CPNE8: variants seen among roughly 807,000 people sequenced by gnomAD.
The protein encoded by CPNE8 is copine-8.
Under a neutral mutation model 81.5 loss-of-function variants are expected in CPNE8, and 45 were observed. The observed-to-expected ratio is 0.55, with a 90% CI of 0.44 to 0.71. CPNE8 has a LOEUF of 0.71. Among genes scored for constraint, CPNE8 ranks in the 30% least tolerant of loss-of-function variants. The pLI, the probability that CPNE8 is intolerant of heterozygous loss-of-function variation, is 0.00. For missense variants in CPNE8, 594 were observed against 672.1 expected (o/e 0.88, Z 1.28); for synonymous variants, 252 against 226.3 (o/e 1.11, Z -1.02).
At chr12:38,845,143 T>C (rs1190220410) in intron 4 of CPNE8, among the ~76,000 whole-genome samples, 1 of 152,096 alleles carries the variant, frequency 6.6e-6, no homozygotes, top group African/African-American at 2.4e-5. Flanking sequence ...TGCTGTGATT[T>C]TGAGACAAGT....
At chr12:38,843,309 G>A (rs1244307594) in intron 4 of CPNE8, among the ~76,000 whole-genome samples, 2 of 152,164 alleles carry the variant, frequency 1.3e-5, no homozygotes, top group African/African-American at 4.8e-5. Context: ...AACAAAATAT[G>A]TGATCATGCT....
At chr12:38,875,886 T>A (rs944975822) in intron 1 of CPNE8, among the ~76,000 whole-genome samples, 1 of 152,194 alleles carries the variant, frequency 6.6e-6, no homozygotes, top group African/African-American at 2.4e-5. Context: ...ACTAAAACAT[T>A]TCCATTTGAG....
At chr12:38,787,656 A>T (rs997281729) in intron 6 of CPNE8, among the ~76,000 whole-genome samples, 9 of 151,980 alleles carry the variant, frequency 5.9e-5, no homozygotes, top group Admixed American at 1.3e-4. Context: ...TCAATGAAAC[A>T]AAGTTAGGTT....
chr12:38,743,993 GAATA>G (rs1320990994), intron 10 of CPNE8, among the ~76,000 whole-genome samples: 3 of 152,168 alleles, frequency 2.0e-5, no homozygotes, highest in Non-Finnish European at 2.9e-5. Context: ...ACTATGACAT[GAATA>G]AATAGCTAAA....
intron 6 of CPNE8, among the ~76,000 whole-genome samples, chr12:38,795,261 T>TAG (rs1180203076): frequency 6.6e-6 from 1 of 152,218 alleles, no homozygotes; most frequent in Non-Finnish European, 1.5e-5. Context: ...CTTTCATGTA[T>TAG]ACATATATAT....
intron 6 of CPNE8, among the ~76,000 whole-genome samples, chr12:38,795,037 C>T (rs1021758715): frequency 6.6e-6 from 1 of 152,194 alleles, no homozygotes; most frequent in Non-Finnish European, 1.5e-5. Flanking sequence ...CAATATGAGA[C>T]CCCAAGTTCT....
chr12:38,657,426 A>G (rs1293788768), intron 19 of CPNE8, among the ~76,000 whole-genome samples: 2 of 152,298 alleles, frequency 1.3e-5, no homozygotes, highest in Non-Finnish European at 1.5e-5. Context: ...TACTGCCTCT[A>G]TAAACGCCAC....
At chr12:38,707,899 G>C (rs1940152630) in intron 13 of CPNE8, among the ~76,000 whole-genome samples, 1 of 152,138 alleles carries the variant, frequency 6.6e-6, no homozygotes. Context: ...CCTTTCAATT[G>C]CCAAGCACTG....
chr12:38,842,039 A>T (rs1943476786), intron 4 of CPNE8, among the ~76,000 whole-genome samples: 2 of 152,014 alleles, frequency 1.3e-5, no homozygotes, highest in African/African-American at 4.8e-5. Flanking sequence ...TAGCAAAAAA[A>T]AAAAAAAGCA....
intron 14 of CPNE8, 90 bp downstream of exon 14, chr12:38,702,785 T>C (rs569707364): frequency 2.0e-5 from 15 of 738,036 alleles, no homozygotes; most frequent in Admixed American, 1.7e-4. Flanking sequence ...AGTATGTAAA[T>C]ATAGAAATAA....
chr12:38,889,767 A>T (rs1944284904), intron 1 of CPNE8, among the ~76,000 whole-genome samples: 1 of 152,130 alleles, frequency 6.6e-6, no homozygotes, highest in African/African-American at 2.4e-5. Context: ...ACTGGCCTGG[A>T]CCTAGTTAGC....
intron 13 of CPNE8, among the ~76,000 whole-genome samples, chr12:38,710,973 A>G (rs1040917104): frequency 2.0e-5 from 3 of 152,104 alleles, no homozygotes; most frequent in African/African-American, 7.2e-5. Flanking sequence ...CCAACCTTTT[A>G]ATTGCCCACC....
Position 38,893,722 on chromosome 12 carries a change from A to G in CPNE8, c.98+11715T>C, listed in dbSNP as rs908427301. Among the ~76,000 whole-genome samples, 8 of 151,604 alleles carry G rather than the reference A, an allele frequency of 5.3e-5. No individual in the cohort carries two copies. In the South Asian group the frequency reaches 6.3e-4, roughly 12 times the overall value. ...GGGAGCCCTTTGCAGTAACAATACT[A>G]CTCCTTTCCCTATTACTTTTTCTTC... On this transcript the variant is annotated intron_variant, in intron 1 of 19. Coordinates refer to ENST00000331366, the MANE Select transcript of CPNE8 (RefSeq NM_153634.3).
At chr12:38,768,698 T>TA (rs1941740690) in intron 7 of CPNE8, among the ~76,000 whole-genome samples, 1 of 147,304 alleles carries the variant, frequency 6.8e-6, no homozygotes, top group South Asian at 2.1e-4. Context: ...TTTTTTGTAT[T>TA]TTTTTTTTTT....
chr12:38,819,873 T>C (rs1804481859), intron 6 of CPNE8, among the ~76,000 whole-genome samples: 1 of 152,096 alleles, frequency 6.6e-6, no homozygotes, highest in Non-Finnish European at 1.5e-5. Context: ...GTGTGATGCT[T>C]ATGTTCCAAG....
At chr12:38,789,630 T>C (rs573920870) in intron 6 of CPNE8, among the ~76,000 whole-genome samples, 1 of 151,490 alleles carries the variant, frequency 6.6e-6, no homozygotes, top group Non-Finnish European at 1.5e-5. Context: ...CTACACAGCA[T>C]AGGAAACAAT....
At chr12:38,789,980 T>C (rs1942284325) in intron 6 of CPNE8, among the ~76,000 whole-genome samples, 1 of 151,686 alleles carries the variant, frequency 6.6e-6, no homozygotes, top group Non-Finnish European at 1.5e-5. Context: ...AAATAAACCC[T>C]TGGACCTTCT....
At chr12:38,745,204 A>G (rs1411535685) in intron 10 of CPNE8, among the ~76,000 whole-genome samples, 1 of 152,232 alleles carries the variant, frequency 6.6e-6, no homozygotes, top group Non-Finnish European at 1.5e-5. Flanking sequence ...TGGCCAAAGC[A>G]GAACTCTTCA....
intron 7 of CPNE8, among the ~76,000 whole-genome samples, chr12:38,771,178 G>C (rs986898032): frequency 6.6e-6 from 1 of 151,756 alleles, no homozygotes; most frequent in Admixed American, 6.6e-5. Flanking sequence ...TACATAAAAG[G>C]CCAGGCATAG....
Sources: allele counts gnomAD v4.1 joint callset (sites outside exome capture counted in the v4.1 genomes callset), GRCh38; gene constraint gnomAD v4.1.1; transcripts MANE v1.5; gene names NCBI Gene and HGNC (gene_info 2026-07-23, HGNC 2026-07-21).